Variants in ZMAT4 observed in about 807,000 individuals in gnomAD.
The protein encoded by ZMAT4 is zinc finger matrin-type protein 4.
ZMAT4 carries 17 observed loss-of-function variants against 28.7 expected under a neutral mutation model. The ratio of observed to expected loss-of-function variants is 0.59; its 90% CI spans 0.41 to 0.89. The LOEUF is 0.89. Among genes scored for constraint, ZMAT4 ranks in the 40% least tolerant of loss-of-function variants. The probability of loss-of-function intolerance (pLI) is 0.00; values close to 1 mark genes in which losing one functional copy is unlikely to be tolerated. For missense variants in ZMAT4, 240 were observed against 283.8 expected (o/e 0.85, Z 1.11); for synonymous variants, 117 against 109.2 (o/e 1.07, Z -0.44).
intron 5 of ZMAT4, among the ~76,000 whole-genome samples, chr8:40,668,468 C>CAAAAAAAAAAAA (rs71224843): frequency 1.4e-4 from 12 of 84,988 alleles, no homozygotes; most frequent in East Asian, 3.4e-4. Flanking sequence ...GACTTTGTCT[C>CAAAAAAAAAAAA]AAAAAAAAAA....
chr8:40,809,279 ACAATGGACATAAAGATGGGAT>A (rs139398434), intron 2 of ZMAT4, among the ~76,000 whole-genome samples: 91,896 of 152,014 alleles, frequency 0.6, 28,904 homozygotes, highest in Middle Eastern at 0.73. Context: ...AAAGATGGGA[ACAATGGACATAAAGATGGGAT>A]CAACAGACAC....
chr8:40,571,399 T>C (rs1033925241), intron 6 of ZMAT4, among the ~76,000 whole-genome samples: 1 of 152,208 alleles, frequency 6.6e-6, no homozygotes, highest in African/African-American at 2.4e-5. Context: ...AAATTCTCTC[T>C]GAAAGCTACT....
intron 5 of ZMAT4, among the ~76,000 whole-genome samples, chr8:40,620,866 C>T (rs991463388): frequency 6.6e-6 from 1 of 152,314 alleles, no homozygotes; most frequent in African/African-American, 2.4e-5. Context: ...GCTCAAGCTC[C>T]TTTCAAGTCT....
intron 1 of ZMAT4, among the ~76,000 whole-genome samples, chr8:40,878,179 T>C (rs1818103497): frequency 6.6e-6 from 1 of 152,152 alleles, no homozygotes; most frequent in Non-Finnish European, 1.5e-5. Flanking sequence ...CAACCGTCAA[T>C]CATGAAAGCC....
chr8:40,851,584 C>T (rs1423843347), intron 1 of ZMAT4, among the ~76,000 whole-genome samples: 1 of 152,116 alleles, frequency 6.6e-6, no homozygotes, highest in East Asian at 1.9e-4. Flanking sequence ...ATGCTTGCAA[C>T]ATTTTATTTT....
chr8:40,565,797 A>G (rs1803904323), intron 6 of ZMAT4, among the ~76,000 whole-genome samples: 1 of 148,894 alleles, frequency 6.7e-6, no homozygotes, highest in African/African-American at 2.5e-5. Flanking sequence ...CAGAGAACCT[A>G]CATTGCCAGT....
intron 5 of ZMAT4, among the ~76,000 whole-genome samples, chr8:40,620,044 C>T (rs1409482661): frequency 6.6e-6 from 1 of 152,184 alleles, no homozygotes; most frequent in Non-Finnish European, 1.5e-5. Context: ...CAAATAAAAT[C>T]TTAGCATTTG....
intron 6 of ZMAT4, among the ~76,000 whole-genome samples, chr8:40,558,697 G>A (rs907288218): frequency 2.1e-4 from 32 of 152,070 alleles, no homozygotes; most frequent in African/African-American, 7.2e-4. Context: ...CATCTAAATT[G>A]AGAGTCTTGA....
At chr8:40,584,231 A>G (rs1804587299) in intron 5 of ZMAT4, among the ~76,000 whole-genome samples, 1 of 152,066 alleles carries the variant, frequency 6.6e-6, no homozygotes, top group Non-Finnish European at 1.5e-5. Context: ...TACCAAGTAA[A>G]CTTCCATTTC....
At chr8:40,694,078 T>C (rs548282629) in intron 4 of ZMAT4, among the ~76,000 whole-genome samples, 1 of 152,332 alleles carries the variant, frequency 6.6e-6, no homozygotes, top group South Asian at 2.1e-4. Flanking sequence ...TTTTTTCCTT[T>C]TGTTTTTATT....
chr8:40,885,622 T>A (rs1335768089), intron 1 of ZMAT4, among the ~76,000 whole-genome samples: 1 of 152,224 alleles, frequency 6.6e-6, no homozygotes, highest in African/African-American at 2.4e-5. Context: ...ACTCCTGGCC[T>A]CAAGTGATCC....
chr8:40,546,894 C>T (rs1343181517), intron 6 of ZMAT4, among the ~76,000 whole-genome samples: 3 of 152,148 alleles, frequency 2.0e-5, no homozygotes, highest in African/African-American at 7.2e-5. Context: ...AGACACATCC[C>T]ACCACCAGCG....
intron 5 of ZMAT4, among the ~76,000 whole-genome samples, chr8:40,584,809 T>C (rs1022782004): frequency 6.6e-6 from 1 of 152,108 alleles, no homozygotes; most frequent in Non-Finnish European, 1.5e-5. Context: ...AATTTTTATA[T>C]TTTTAGTAGA....
At chr8:40,767,578 C>T in intron 3 of ZMAT4, 63 bp downstream of exon 3, 1 of 1,423,912 alleles carries the variant, frequency 7.0e-7, no homozygotes, top group South Asian at 1.3e-5. Flanking sequence ...ATTCCTACAC[C>T]TGCAAAGTTC....
At chr8:40,767,511 T>G in intron 3 of ZMAT4, 130 bp downstream of exon 3, 1 of 717,498 alleles carries the variant, frequency 1.4e-6, no homozygotes. Context: ...ACCTGTAATA[T>G]TTAGTGAGAA....
intron 5 of ZMAT4, among the ~76,000 whole-genome samples, chr8:40,599,847 G>T (rs138040456): frequency 6.6e-6 from 1 of 152,114 alleles, no homozygotes; most frequent in South Asian, 2.1e-4. Flanking sequence ...GTGAGTCCTC[G>T]GTCCCAGCAC....
At chr8:40,601,741 A>T (rs574865795) in intron 5 of ZMAT4, among the ~76,000 whole-genome samples, 1 of 151,826 alleles carries the variant, frequency 6.6e-6, no homozygotes. Flanking sequence ...GAAAGCAGGC[A>T]GGCAGGCAGG....
intron 3 of ZMAT4, among the ~76,000 whole-genome samples, chr8:40,764,552 C>CG (rs59936904): frequency 0.16 from 24,148 of 151,946 alleles, 3,056 homozygotes; most frequent in East Asian, 0.6. Context: ...TCTCTGTTTA[C>CG]AAAGCCATAC....
At chr8:40,760,251 G>C (rs1461176061) in intron 3 of ZMAT4, among the ~76,000 whole-genome samples, 1 of 152,190 alleles carries the variant, frequency 6.6e-6, no homozygotes, top group Non-Finnish European at 1.5e-5. Flanking sequence ...TTCTCCAAGT[G>C]GTTGGGACAT....
Sources: allele counts gnomAD v4.1 joint callset (sites outside exome capture counted in the v4.1 genomes callset), GRCh38; gene constraint gnomAD v4.1.1; transcripts MANE v1.5; gene names NCBI Gene and HGNC (gene_info 2026-07-23, HGNC 2026-07-21).